FAM78B: variants seen among roughly 807,000 people sequenced by gnomAD.
FAM78B encodes family with sequence similarity 78 member B, also known as protein FAM78B.
Under a neutral mutation model 20.0 loss-of-function variants are expected in FAM78B, and 10 were observed. That is an observed-to-expected ratio of 0.50 (90% confidence interval 0.31 to 0.85). The LOEUF is 0.85. Ranked by LOEUF, FAM78B falls within the 40% of genes least tolerant of loss-of-function variation. The probability of loss-of-function intolerance (pLI) is 0.05; values close to 1 mark genes in which losing one functional copy is unlikely to be tolerated. For synonymous variants in FAM78B, 135 were observed against 132.8 expected (o/e 1.02, Z -0.12); for missense variants, 283 against 345.0 (o/e 0.82, Z 1.42).
intron 1 of FAM78B, among the ~76,000 whole-genome samples, chr1:166,071,778 A>G (rs1366015095): frequency 6.6e-6 from 1 of 152,198 alleles, no homozygotes; most frequent in Non-Finnish European, 1.5e-5. Flanking sequence ...GAGTTGTCTG[A>G]CTTCAAAGTC....
chr1:166,142,888 A>G (rs77304980), intron 1 of FAM78B, among the ~76,000 whole-genome samples: 317 of 152,306 alleles, frequency 2.1e-3, no homozygotes, highest in African/African-American at 7.2e-3. Flanking sequence ...ACAGGGTGCA[A>G]ACATGAGCAG....
intron 1 of FAM78B, chr1:166,165,206 G>A (rs989390288): frequency 6.6e-6 from 1 of 152,248 alleles, no homozygotes; most frequent in African/African-American, 2.4e-5. Flanking sequence ...CCGCAATTAG[G>A]AAAGTTTTAA....
At chr1:166,109,862 G>GTGTGTGTATATA in intron 1 of FAM78B, among the ~76,000 whole-genome samples, 1 of 16,278 alleles carries the variant, frequency 6.1e-5, no homozygotes, top group African/African-American at 1.8e-4. Flanking sequence ...ATATATATAT[G>GTGTGTGTATATA]TATGTGTATA....
intron 1 of FAM78B, among the ~76,000 whole-genome samples, chr1:166,109,896 A>ATGTATATATG (rs1274757469): frequency 1.7e-5 from 1 of 59,954 alleles, no homozygotes; most frequent in Non-Finnish European, 3.4e-5. Context: ...ATATGTATAT[A>ATGTATATATG]TATATATATA....
chr1:166,087,473 C>T (rs1652879679), intron 1 of FAM78B: 1 of 152,142 alleles, frequency 6.6e-6, no homozygotes, highest in African/African-American at 2.4e-5. Context: ...CTCAACAGGC[C>T]AAATTTAAGT....
chr1:166,070,342 T>G lies in FAM78B; in HGVS notation c.685A>C (p.Ile229Leu). ...QPRILSRMEP[I>L]PPNALVKPNA... ...GGTTTCACTAGTGCATTAGGGGGGA[T>G]GGGTTCCATCCGGCTCAGGATCCGG... Residue 229 changes from isoleucine (I) to leucine (L), a missense_variant, in exon 2 of 2, where the codon ATC becomes CTC. Coordinates refer to ENST00000354422, the MANE Select transcript of FAM78B (RefSeq NM_001017961.5). 6.2e-7 allele frequency: 1 copy of G among 1,611,544 alleles called. No homozygotes were observed. The highest frequency in any genetic ancestry group is 8.5e-7 in the Non-Finnish European group (1 of 1,178,506).
intron 1 of FAM78B, among the ~76,000 whole-genome samples, chr1:166,163,986 T>C (rs1252875089): frequency 6.6e-6 from 1 of 152,360 alleles, no homozygotes; most frequent in Non-Finnish European, 1.5e-5. Flanking sequence ...CACTGATTCA[T>C]ATCCATTAAA....
chr1:166,121,717 A>G (rs1455058939), intron 1 of FAM78B, among the ~76,000 whole-genome samples: 1 of 152,148 alleles, frequency 6.6e-6, no homozygotes, highest in Non-Finnish European at 1.5e-5. Context: ...TAATCCTCCT[A>G]ACAACTCTAT....
chr1:166,142,792 A>C (rs184536013), intron 1 of FAM78B, among the ~76,000 whole-genome samples: 2 of 152,362 alleles, frequency 1.3e-5, no homozygotes, highest in East Asian at 3.9e-4. Flanking sequence ...GCTAGTCTTA[A>C]ATCTACTGAA....
chr1:166,166,598 AG>A lies in FAM78B; in HGVS notation c.-351del, dbSNP rs1656404862. The A allele has an allele frequency of 6.7e-6, 1 of 150,278 alleles. No homozygotes were observed. Among genetic ancestry groups the A allele is most frequent in the Admixed American group, 6.6e-5 (1 of 15,094 alleles). The allele number at this position is 150,278 out of a possible 1,614,324, so 9.3% of individuals were successfully genotyped here. The stretch of plus-strand genomic sequence containing the variant: ...AGGAATGGTGCCCACCCCGGGCCGG[AG>A]CCCCCCGCCCCTCGCCGGAGAGGAG... On this transcript the variant is annotated 5_prime_UTR_variant, in exon 1 of 2. The change creates a premature stop within an existing upstream ORF in the 5' untranslated region. Coordinates refer to ENST00000354422, the MANE Select transcript of FAM78B (RefSeq NM_001017961.5).
intron 1 of FAM78B, among the ~76,000 whole-genome samples, chr1:166,076,236 T>A (rs947679238): frequency 1.3e-5 from 2 of 152,222 alleles, no homozygotes; most frequent in Non-Finnish European, 2.9e-5. Context: ...CTACTTAAAA[T>A]GGCTCATGTG....
chr1:166,130,976 A>G (rs1330744198), intron 1 of FAM78B, among the ~76,000 whole-genome samples: 2 of 144,406 alleles, frequency 1.4e-5, no homozygotes, highest in Admixed American at 6.9e-5. Flanking sequence ...GCATCTCCCC[A>G]GGTGCTTTTT....
chr1:166,146,964 A>G (rs1461812153), intron 1 of FAM78B, among the ~76,000 whole-genome samples: 1 of 152,186 alleles, frequency 6.6e-6, no homozygotes. Context: ...CACATCACCA[A>G]GCACACACAC....
intron 1 of FAM78B, among the ~76,000 whole-genome samples, chr1:166,153,128 G>A (rs901268319): frequency 6.6e-6 from 1 of 152,204 alleles, no homozygotes; most frequent in Non-Finnish European, 1.5e-5. Context: ...GCCAGGCTTG[G>A]AGGCAACGTG....
rs116217458 is a variant in FAM78B at position 166,161,826 on chromosome 1, C to T, written c.263+4160G>A. Among the ~76,000 whole-genome samples, 1,490 of 152,084 alleles carry T rather than the reference C, an allele frequency of 9.8e-3. 16 individuals carry two copies. The highest frequency in any genetic ancestry group is 0.016 in the Non-Finnish European group (1,088 of 67,978). ...TTAGAGTGGGAGCTATAGTGGGGAT[C>T]GAGAGTTCGGGTCTGGATACCCTAA... On this transcript the variant is annotated intron_variant, in intron 1 of 1. Coordinates refer to ENST00000354422, the MANE Select transcript of FAM78B (RefSeq NM_001017961.5).
rs1348779567 is a variant in FAM78B, at chr1:166,166,502, C to T, written c.-254G>A. 1 of 160,630 alleles carries T rather than the reference C, an allele frequency of 6.2e-6. No individual in the cohort carries two copies. The highest frequency in any genetic ancestry group is 2.4e-5 in the African/African-American group (1 of 41,414). The allele number at this position is 160,630 out of a possible 1,614,324, so 10.0% of individuals were successfully genotyped here. ...CGGCAGGGCGCGCGGAGGGTGCACT[C>T]CTAGGAGGCGGCGGGTGCCCTCGCC... On this transcript the variant is annotated 5_prime_UTR_variant, in exon 1 of 2. Coordinates refer to ENST00000354422, the MANE Select transcript of FAM78B (RefSeq NM_001017961.5).
At chr1:166,092,476 C>G (rs1447481020) in intron 1 of FAM78B, among the ~76,000 whole-genome samples, 1 of 152,236 alleles carries the variant, frequency 6.6e-6, no homozygotes, top group Non-Finnish European at 1.5e-5. Flanking sequence ...TGCCTCTTCT[C>G]TTCTGTAGGC....
chr1:166,076,929 G>A (rs1468635144), intron 1 of FAM78B, among the ~76,000 whole-genome samples: 1 of 152,162 alleles, frequency 6.6e-6, no homozygotes, highest in Non-Finnish European at 1.5e-5. Flanking sequence ...CAGGTGCTGG[G>A]TGAGCTCTTT....
At chr1:166,144,177 G>A (rs1371350304) in intron 1 of FAM78B, among the ~76,000 whole-genome samples, 2 of 152,156 alleles carry the variant, frequency 1.3e-5, no homozygotes, top group African/African-American at 4.8e-5. Context: ...TTTAGGAGAT[G>A]AACGCCAAAC....
Sources: allele counts gnomAD v4.1 joint callset (sites outside exome capture counted in the v4.1 genomes callset), GRCh38; gene constraint gnomAD v4.1.1; transcripts MANE v1.5; gene names NCBI Gene and HGNC (gene_info 2026-07-23, HGNC 2026-07-21).